The following GRID2 variants were observed in gnomAD, a reference collection of about 807,000 sequenced individuals.
GRID2 encodes the protein glutamate ionotropic receptor delta type subunit 2, also known as glutamate receptor ionotropic, delta-2.
A neutral mutation model predicts 114.8 loss-of-function variants in GRID2; 33 were observed. That is an observed-to-expected ratio of 0.29 (90% confidence interval 0.22 to 0.38). The LOEUF (loss-of-function observed/expected upper bound fraction) is 0.38. Ranked by LOEUF, GRID2 falls within the 10% of genes least tolerant of loss-of-function variation. The pLI, the probability that GRID2 is intolerant of heterozygous loss-of-function variation, is 1.00. For missense variants in GRID2, 1,184 were observed against 1,257.7 expected (o/e 0.94, Z 0.89); for synonymous variants, 505 against 449.9 (o/e 1.12, Z -1.55).
intron 2 of GRID2, among the ~76,000 whole-genome samples, chr4:93,042,272 TCTTTCTC>T (rs1560821264): frequency 5.3e-4 from 42 of 78,520 alleles, no homozygotes; most frequent in South Asian, 1.6e-3. Context: ...TCTCTCTCTC[TCTTTCTC>T]TCTCTCTCTC....
chr4:93,675,848 G>A (rs914928435), intron 14 of GRID2, among the ~76,000 whole-genome samples: 2 of 152,132 alleles, frequency 1.3e-5, no homozygotes, highest in Admixed American at 1.3e-4. Context: ...GCATTATAGT[G>A]TAAGGAATAA....
intron 2 of GRID2, among the ~76,000 whole-genome samples, chr4:92,973,153 T>G (rs1202897745): frequency 6.6e-6 from 1 of 152,126 alleles, no homozygotes; most frequent in Non-Finnish European, 1.5e-5. Flanking sequence ...CAAATGGTAT[T>G]TCTGTTTTTA....
At chr4:92,594,542 G>T (rs1251047336) in intron 2 of GRID2, among the ~76,000 whole-genome samples, 1 of 151,772 alleles carries the variant, frequency 6.6e-6, no homozygotes. Flanking sequence ...TGCTGAAATT[G>T]CCTCCTAGTT....
chr4:93,224,937 A>T (rs1038124259), intron 7 of GRID2, among the ~76,000 whole-genome samples, 162 bp downstream of exon 7: 2 of 152,176 alleles, frequency 1.3e-5, no homozygotes, highest in African/African-American at 2.4e-5. Flanking sequence ...AGTCATCAAC[A>T]TATAAAAAGG....
intron 2 of GRID2, among the ~76,000 whole-genome samples, chr4:92,817,704 T>G (rs566315598): frequency 6.7e-6 from 1 of 149,428 alleles, no homozygotes; most frequent in South Asian, 2.1e-4. Context: ...ATATTTGGCT[T>G]TTTTTTTTTG....
At chr4:93,049,085 A>G (rs1578846985) in intron 2 of GRID2, among the ~76,000 whole-genome samples, 1 of 152,198 alleles carries the variant, frequency 6.6e-6, no homozygotes, top group South Asian at 2.1e-4. Flanking sequence ...CATCTCTAAT[A>G]ATACTAAATT....
chr4:93,396,106 A>G (rs1449156641), intron 9 of GRID2, among the ~76,000 whole-genome samples: 8 of 152,014 alleles, frequency 5.3e-5, no homozygotes. Context: ...AGATTTGGTA[A>G]AATGTACATT....
intron 1 of GRID2, among the ~76,000 whole-genome samples, chr4:92,512,182 G>A (rs1724285582): frequency 6.6e-6 from 1 of 151,624 alleles, no homozygotes; most frequent in Non-Finnish European, 1.5e-5. Flanking sequence ...GTTCATTTAT[G>A]CTGTAGCATG....
chr4:93,100,965 T>C (rs1731640716), intron 3 of GRID2, among the ~76,000 whole-genome samples: 1 of 152,062 alleles, frequency 6.6e-6, no homozygotes, highest in African/African-American at 2.4e-5. Context: ...TATTGCAGGA[T>C]ACCTCTATCT....
chr4:93,342,448 CTTA>C (rs909060293), intron 8 of GRID2, among the ~76,000 whole-genome samples: 5 of 151,990 alleles, frequency 3.3e-5, no homozygotes, highest in African/African-American at 1.2e-4. Flanking sequence ...GAAAAAAAAA[CTTA>C]TTATTATCAT....
chr4:92,476,119 G>C (rs1049590694), intron 1 of GRID2, among the ~76,000 whole-genome samples: 1 of 146,156 alleles, frequency 6.8e-6, no homozygotes, highest in Admixed American at 7.2e-5. Context: ...TCCGCCTCCC[G>C]TGTTCACACC....
chr4:92,672,890 CT>C (rs1733146225), intron 2 of GRID2, among the ~76,000 whole-genome samples: 1 of 151,972 alleles, frequency 6.6e-6, no homozygotes, highest in Non-Finnish European at 1.5e-5. Flanking sequence ...TATAGTCATC[CT>C]ACCAATCTAT....
At chr4:93,577,783 T>A (rs953577074) in intron 13 of GRID2, among the ~76,000 whole-genome samples, 2 of 152,198 alleles carry the variant, frequency 1.3e-5, no homozygotes, top group Non-Finnish European at 1.5e-5. Flanking sequence ...TTATAAAGCG[T>A]GCAAGTAGTT....
At chr4:92,681,971 C>T (rs1340830150) in intron 2 of GRID2, among the ~76,000 whole-genome samples, 2 of 151,826 alleles carry the variant, frequency 1.3e-5, no homozygotes, top group Non-Finnish European at 2.9e-5. Context: ...AGAGAGGAAA[C>T]TTGGAGATGT....
intron 2 of GRID2, among the ~76,000 whole-genome samples, chr4:92,736,362 A>G (rs1736598847): frequency 6.6e-6 from 1 of 152,110 alleles, no homozygotes; most frequent in African/African-American, 2.4e-5. Flanking sequence ...AGCCACATGA[A>G]ATGAATTTGG....
At chr4:93,014,110 G>A (rs1454588861) in intron 2 of GRID2, among the ~76,000 whole-genome samples, 4 of 151,984 alleles carry the variant, frequency 2.6e-5, no homozygotes, top group African/African-American at 9.7e-5. Flanking sequence ...CAGTTGAAAG[G>A]CTTATAGAAA....
chr4:93,057,351 G>T (rs1207221117), intron 2 of GRID2, among the ~76,000 whole-genome samples: 1 of 151,838 alleles, frequency 6.6e-6, no homozygotes, highest in Admixed American at 6.6e-5. Flanking sequence ...GTGACCTACA[G>T]TCACATAAAA....
intron 1 of GRID2, among the ~76,000 whole-genome samples, chr4:92,337,795 C>T (rs11930712): frequency 0.013 from 1,956 of 152,278 alleles, 37 homozygotes; most frequent in African/African-American, 0.042. Context: ...CTAACCTTAT[C>T]ACTAGGCAAA....
At chr4:93,614,696 G>T (rs1560821239) in intron 13 of GRID2, among the ~76,000 whole-genome samples, 1 of 151,564 alleles carries the variant, frequency 6.6e-6, no homozygotes, top group East Asian at 1.9e-4. Flanking sequence ...TTTTAATAAG[G>T]TTTTTTTTCT....
Sources: gnomAD v4.1 joint callset for allele counts (sites outside exome capture counted in the v4.1 genomes callset) on GRCh38, gnomAD v4.1.1 for gene constraint, MANE v1.5 for transcripts, NCBI Gene and HGNC (gene_info 2026-07-23, HGNC 2026-07-21) for gene names.